QTMAN: variants seen among roughly 807,000 people sequenced by gnomAD.
The protein encoded by QTMAN is queuosine-tRNA mannosyltransferase.
the QTMAN span, among the ~76,000 whole-genome samples, chr2:144,226,606 T>C: frequency 3.3e-5 from 5 of 152,136 alleles, no homozygotes; most frequent in African/African-American, 1.2e-4. Flanking sequence ...GATAGAAAAT[T>C]TGAGTTCCAG....
the QTMAN span, among the ~76,000 whole-genome samples, chr2:144,264,740 G>A: frequency 6.6e-6 from 1 of 152,234 alleles, no homozygotes; most frequent in East Asian, 1.9e-4. Flanking sequence ...CTCCAATAAC[G>A]GTTTCCTTGG....
the QTMAN span, among the ~76,000 whole-genome samples, chr2:144,205,361 G>A: frequency 2.0e-5 from 3 of 152,114 alleles, no homozygotes; most frequent in Non-Finnish European, 4.4e-5. Context: ...TCTTTTATAA[G>A]TAAAATTTAA....
chr2:144,315,707 T>C, the QTMAN span, among the ~76,000 whole-genome samples: 5 of 152,240 alleles, frequency 3.3e-5, no homozygotes, highest in African/African-American at 1.2e-4. Flanking sequence ...TCTGTCCAAC[T>C]GTCTTATTTG....
At chr2:144,253,232 T>C in the QTMAN span, among the ~76,000 whole-genome samples, 1 of 152,220 alleles carries the variant, frequency 6.6e-6, no homozygotes, top group Non-Finnish European at 1.5e-5. Context: ...TCCCCAGCCA[T>C]GCAGAACAGT....
At chr2:144,091,753 T>C in the QTMAN span, among the ~76,000 whole-genome samples, 1 of 152,186 alleles carries the variant, frequency 6.6e-6, no homozygotes, top group African/African-American at 2.4e-5. Flanking sequence ...AGTAACTTAA[T>C]TGGTAATATT....
the QTMAN span, among the ~76,000 whole-genome samples, chr2:144,003,106 A>T: frequency 6.6e-6 from 1 of 151,922 alleles, no homozygotes; most frequent in Non-Finnish European, 1.5e-5. Flanking sequence ...TAAAGGCTAT[A>T]ATGTAGATTT....
At chr2:144,202,632 G>A in the QTMAN span, among the ~76,000 whole-genome samples, 11 of 151,078 alleles carry the variant, frequency 7.3e-5, no homozygotes, top group Admixed American at 2.6e-4. Context: ...TTTTTTCCCC[G>A]TTTATTTTCC....
At chr2:144,203,196 T>TGCGCACGC in the QTMAN span, among the ~76,000 whole-genome samples, 2 of 145,120 alleles carry the variant, frequency 1.4e-5, no homozygotes, top group Middle Eastern at 3.5e-3. Context: ...TGTGTGCACG[T>TGCGCACGC]GCGCACGCAC....
the QTMAN span, among the ~76,000 whole-genome samples, chr2:143,991,940 C>T: frequency 6.6e-6 from 1 of 151,298 alleles, no homozygotes; most frequent in Non-Finnish European, 1.5e-5. Context: ...CGGCCAGCCA[C>T]CTCTTCCGGG....
the QTMAN span, among the ~76,000 whole-genome samples, chr2:144,228,482 T>C: frequency 3.3e-5 from 5 of 152,156 alleles, no homozygotes; most frequent in South Asian, 6.2e-4. Flanking sequence ...TAAAATAACA[T>C]TTTTCTATAG....
the QTMAN span, among the ~76,000 whole-genome samples, chr2:144,314,115 T>A: frequency 2.6e-5 from 4 of 152,208 alleles, no homozygotes; most frequent in African/African-American, 9.6e-5. Context: ...TATAGTGATA[T>A]GATTTGCAAG....
the QTMAN span, among the ~76,000 whole-genome samples, chr2:144,068,750 T>C: frequency 3.3e-5 from 5 of 152,240 alleles, no homozygotes; most frequent in Non-Finnish European, 5.9e-5. Flanking sequence ...TACTCTGGAG[T>C]GATTTAGCAT....
At chr2:144,196,432 T>C in the QTMAN span, among the ~76,000 whole-genome samples, 2 of 152,128 alleles carry the variant, frequency 1.3e-5, no homozygotes, top group Non-Finnish European at 2.9e-5. Context: ...TCTGTATCAA[T>C]ACTGGATATA....
the QTMAN span, among the ~76,000 whole-genome samples, chr2:144,070,639 T>C: frequency 1.3e-5 from 2 of 152,174 alleles, no homozygotes; most frequent in African/African-American, 2.4e-5. Context: ...GTTAACACAA[T>C]AGACCATCTC....
the QTMAN span, among the ~76,000 whole-genome samples, chr2:144,079,300 G>C: frequency 6.6e-6 from 1 of 152,064 alleles, no homozygotes; most frequent in Non-Finnish European, 1.5e-5. Flanking sequence ...ACAGTACTTA[G>C]GAGGAAAGCC....
chr2:144,199,308 C>G, the QTMAN span, among the ~76,000 whole-genome samples: 1 of 152,176 alleles, frequency 6.6e-6, no homozygotes, highest in Non-Finnish European at 1.5e-5. Flanking sequence ...CTCGGATTCC[C>G]AAAGTATTGG....
chr2:144,244,164 C>T, the QTMAN span, among the ~76,000 whole-genome samples: 1 of 152,284 alleles, frequency 6.6e-6, no homozygotes, highest in East Asian at 1.9e-4. Context: ...GGGTTCCCAT[C>T]AAAATGTCTT....
At chr2:144,265,410 A>C in the QTMAN span, among the ~76,000 whole-genome samples, 849 of 152,218 alleles carry the variant, frequency 5.6e-3, 5 homozygotes, top group Non-Finnish European at 6.0e-3. Flanking sequence ...TTTCAAGAAT[A>C]CCCTCGGTCA....
chr2:144,179,714 A>T, the QTMAN span, among the ~76,000 whole-genome samples: 1 of 152,162 alleles, frequency 6.6e-6, no homozygotes, highest in African/African-American at 2.4e-5. Context: ...AAAACTCAAG[A>T]AGTATAGTTA....
Sources: gnomAD v4.1 joint callset for allele counts (sites outside exome capture counted in the v4.1 genomes callset) on GRCh38, gnomAD v4.1.1 for gene constraint, MANE v1.5 for transcripts, NCBI Gene and HGNC (gene_info 2026-07-23, HGNC 2026-07-21) for gene names.